Variants in LRRK2 observed in about 807,000 individuals in gnomAD.
LRRK2 encodes leucine-rich repeat serine/threonine-protein kinase 2.
LRRK2 carries 203 observed loss-of-function variants against 302.6 expected under a neutral mutation model. The observed-to-expected ratio is 0.67, with a 90% CI of 0.60 to 0.75. LRRK2 has a LOEUF of 0.75. Ranked by LOEUF, LRRK2 falls within the 30% of genes least tolerant of loss-of-function variation. The pLI is 0.00. For synonymous variants in LRRK2, 1,066 were observed against 1,031.9 expected (o/e 1.03, Z -0.63); for missense variants, 2,830 against 2,951.0 (o/e 0.96, Z 0.95).
chr12:40,326,548 A>G (rs1170349467), intron 38 of LRRK2, among the ~76,000 whole-genome samples: 1 of 150,930 alleles, frequency 6.6e-6, no homozygotes, highest in East Asian at 1.9e-4. Context: ...ATCTCCCTAG[A>G]GTATGTTTCT....
At chr12:40,326,547 G>A (rs565559407) in intron 38 of LRRK2, among the ~76,000 whole-genome samples, 1 of 151,142 alleles carries the variant, frequency 6.6e-6, no homozygotes, top group African/African-American at 2.4e-5. Context: ...TATCTCCCTA[G>A]AGTATGTTTC....
intron 20 of LRRK2, among the ~76,000 whole-genome samples, chr12:40,293,119 T>C (rs1453883872): frequency 6.6e-6 from 1 of 152,030 alleles, no homozygotes; most frequent in South Asian, 2.1e-4. Context: ...ATAAAAAAAA[T>C]TCAGAGAAAC....
intron 24 of LRRK2, 109 bp downstream of exon 24, chr12:40,298,602 T>A: frequency 7.1e-7 from 1 of 1,408,442 alleles, no homozygotes; most frequent in Non-Finnish European, 9.9e-7. Flanking sequence ...TGAAACTCCA[T>A]CTCTACTAAA....
intron 21 of LRRK2, among the ~76,000 whole-genome samples, chr12:40,294,118 A>T (rs1443215031): frequency 3.8e-5 from 5 of 130,564 alleles, no homozygotes; most frequent in Admixed American, 2.6e-4. Flanking sequence ...TTCATTGTTC[A>T]TCTATCTATC....
intron 20 of LRRK2, among the ~76,000 whole-genome samples, chr12:40,290,871 C>T (rs901538682): frequency 6.6e-6 from 1 of 151,688 alleles, no homozygotes; most frequent in South Asian, 2.1e-4. Context: ...TTTATAGATT[C>T]TTAATTTGGA....
At position 40,293,558 on chromosome 12, in the gene LRRK2, A is replaced by T; in HGVS notation, c.2703A>T (p.Ser901=). 1 of 1,604,574 alleles carries T rather than the reference A, an allele frequency of 6.2e-7. No homozygotes were observed. Among genetic ancestry groups the T allele is most frequent in the Non-Finnish European group, 8.5e-7 (1 of 1,172,654 alleles). The change falls in exon 21 of 51, where the codon TCA becomes TCT. Residue 901 remains serine, a synonymous_variant. Coordinates refer to ENST00000298910, the MANE Select transcript of LRRK2 (RefSeq NM_198578.4). ...TTTTCAAAATAGGAAGTGAAGGCTCATTTCTTGTGAAAAAGAAATCTAATT... is the reference window on the plus strand; with the variant it reads ...TTTTCAAAATAGGAAGTGAAGGCTCTTTTCTTGTGAAAAAGAAATCTAATT... ...DDLDSEGSEG[S]FLVKKKSNSI...
At chr12:40,248,717 A>T (rs1473054927) in intron 7 of LRRK2, among the ~76,000 whole-genome samples, 1 of 152,236 alleles carries the variant, frequency 6.6e-6, no homozygotes, top group African/African-American at 2.4e-5. Flanking sequence ...AAGTTACCTG[A>T]ACATAAGTCC....
At chr12:40,253,880 G>A (rs1592166870) in intron 11 of LRRK2, among the ~76,000 whole-genome samples, 1 of 152,238 alleles carries the variant, frequency 6.6e-6, no homozygotes, top group Admixed American at 6.5e-5. Context: ...TCATAGAAAT[G>A]CAACTGGGTA....
intron 4 of LRRK2, among the ~76,000 whole-genome samples, chr12:40,235,975 C>CA (rs1415168917): frequency 6.6e-6 from 1 of 151,814 alleles, no homozygotes; most frequent in Admixed American, 6.6e-5. Flanking sequence ...CTTTGCCTCT[C>CA]AAAAATCTCA....
At chr12:40,275,071 T>C (rs1049442030) in intron 16 of LRRK2, 78 bp downstream of exon 16, 7 of 1,456,418 alleles carry the variant, frequency 4.8e-6, no homozygotes, top group Non-Finnish European at 6.7e-6. Flanking sequence ...ATTCCCACTT[T>C]GCATGAATGG....
chr12:40,336,288 C>G (rs1266020399), intron 40 of LRRK2, among the ~76,000 whole-genome samples: 1 of 152,210 alleles, frequency 6.6e-6, no homozygotes, highest in African/African-American at 2.4e-5. Context: ...CTTTCTGAAT[C>G]CTTTCATTTA....
intron 40 of LRRK2, 90 bp downstream of exon 40, chr12:40,335,247 G>T: frequency 7.6e-7 from 1 of 1,315,630 alleles, no homozygotes; most frequent in Non-Finnish European, 1.1e-6. Context: ...CAGTAACACT[G>T]TGCCCCAGTA....
In LRRK2 at chr12:40,251,371, G is replaced by C; in HGVS notation, c.1098G>C (p.Val366=). 2 of 1,613,916 alleles carry C rather than the reference G, an allele frequency of 1.2e-6. No individual in the cohort carries two copies. The highest frequency in any genetic ancestry group is 1.7e-6 in the Non-Finnish European group (2 of 1,179,900). The change falls in exon 9 of 51, where the codon GTG becomes GTC. Residue 366 remains valine (V), a synonymous_variant. Transcript: ENST00000298910. ...CGTGGCATAGAAAGAACAAGCACGT[G>C]CAGGTAGGACTCTCATAAATATTAG... The part of the protein sequence containing the change: ...ALTWHRKNKH[V]QEAACWALNN...
intron 37 of LRRK2, 40 bp downstream of exon 37, chr12:40,322,550 C>T: frequency 6.5e-7 from 1 of 1,535,010 alleles, no homozygotes; most frequent in Non-Finnish European, 9.0e-7. Flanking sequence ...TTAAGTGATC[C>T]TTCAATACTT....
intron 1 of LRRK2, 126 bp downstream of exon 1, chr12:40,225,408 C>T: frequency 2.3e-6 from 3 of 1,306,706 alleles, no homozygotes; most frequent in Non-Finnish European, 3.3e-6. Context: ...CCGCAAACTC[C>T]CATATCCTTT....
chr12:40,299,047 AT>A (rs1565727458), intron 24 of LRRK2, 61 bp from the exon 25 acceptor site: 4 of 1,556,414 alleles, frequency 2.6e-6, no homozygotes, highest in Non-Finnish European at 3.5e-6. Context: ...TGTTTTTGAT[AT>A]TTTTTCTTTA....
At chr12:40,282,162 C>T (rs974960558) in intron 18 of LRRK2, among the ~76,000 whole-genome samples, 1 of 139,650 alleles carries the variant, frequency 7.2e-6, no homozygotes, top group African/African-American at 2.7e-5. Flanking sequence ...TTCTCTTCCC[C>T]TTCCCCTTCC....
intron 25 of LRRK2, among the ~76,000 whole-genome samples, chr12:40,301,446 A>G (rs1944621298): frequency 6.6e-6 from 1 of 152,030 alleles, no homozygotes; most frequent in Admixed American, 6.6e-5. Flanking sequence ...CAATCAATAA[A>G]TCCCATGTAA....
At chr12:40,270,315 C>A (rs1338736470) in intron 14 of LRRK2, among the ~76,000 whole-genome samples, 1 of 152,062 alleles carries the variant, frequency 6.6e-6, no homozygotes, top group Non-Finnish European at 1.5e-5. Context: ...TTATATTCAG[C>A]TTTCTAATTA....
Sources: gnomAD v4.1 joint callset for allele counts (sites outside exome capture counted in the v4.1 genomes callset) on GRCh38, gnomAD v4.1.1 for gene constraint, MANE v1.5 for transcripts, NCBI Gene and HGNC (gene_info 2026-07-23, HGNC 2026-07-21) for gene names.